MECOM: variants seen among roughly 807,000 people sequenced by gnomAD.
MECOM encodes histone-lysine N-methyltransferase MECOM.
Under a neutral mutation model 116.3 loss-of-function variants are expected in MECOM, and 13 were observed. The ratio of observed to expected loss-of-function variants is 0.11; its 90% confidence interval spans 0.07 to 0.18. The LOEUF (loss-of-function observed/expected upper bound fraction) is 0.18, where lower values mean the gene tolerates loss of function less well. Ranked by LOEUF, MECOM falls within the 10% of genes least tolerant of loss-of-function variation. MECOM has a pLI of 1.00. For synonymous variants in MECOM, 528 were observed against 535.2 expected (o/e 0.99, Z 0.19); for missense variants, 1,299 against 1,509.0 (o/e 0.86, Z 2.31).
intron 2 of MECOM, among the ~76,000 whole-genome samples, chr3:169,264,664 T>C (rs2149627913): frequency 2.0e-5 from 3 of 152,316 alleles, no homozygotes; most frequent in Admixed American, 2.0e-4. Context: ...GCCATTTCTC[T>C]TGTACCCTCT....
intron 2 of MECOM, among the ~76,000 whole-genome samples, chr3:169,189,865 A>G (rs1290736434): frequency 6.6e-6 from 1 of 152,214 alleles, no homozygotes; most frequent in African/African-American, 2.4e-5. Context: ...GTGCTAACAT[A>G]TATTAAGTAA....
chr3:169,544,198 A>T (rs923363675), intron 1 of MECOM, among the ~76,000 whole-genome samples: 2 of 152,244 alleles, frequency 1.3e-5, no homozygotes, highest in Admixed American at 6.5e-5. Flanking sequence ...TGGTTATCCC[A>T]GCTAGAATTG....
intron 2 of MECOM, among the ~76,000 whole-genome samples, chr3:169,170,378 G>A (rs978709313): frequency 1.6e-5 from 2 of 125,424 alleles, no homozygotes; most frequent in African/African-American, 6.4e-5. Context: ...CTGCACTCCA[G>A]CCCAGCGACA....
intron 3 of MECOM, among the ~76,000 whole-genome samples, chr3:169,140,055 G>GAA (rs10646514): frequency 0.45 from 67,730 of 149,820 alleles, 16,599 homozygotes; most frequent in Non-Finnish European, 0.56. Flanking sequence ...TCTGAATAAT[G>GAA]AAAAAAAAAC....
At chr3:169,475,331 C>T (rs555777109) in intron 1 of MECOM, among the ~76,000 whole-genome samples, 7 of 152,216 alleles carry the variant, frequency 4.6e-5, no homozygotes, top group African/African-American at 1.7e-4. Context: ...AACTTTGTCC[C>T]CTGGCCCAAC....
chr3:169,660,327 T>A (rs1026351201), intron 1 of MECOM, among the ~76,000 whole-genome samples: 4 of 152,210 alleles, frequency 2.6e-5, no homozygotes, highest in Non-Finnish European at 4.4e-5. Context: ...TTTAATTAAA[T>A]TTTTTAACCT....
At chr3:169,206,208 A>T (rs919906950) in intron 2 of MECOM, among the ~76,000 whole-genome samples, 1 of 152,182 alleles carries the variant, frequency 6.6e-6, no homozygotes, top group Non-Finnish European at 1.5e-5. Context: ...CATTTTCCTC[A>T]CTGCACTATC....
chr3:169,165,692 C>T (rs2149358199), intron 2 of MECOM, among the ~76,000 whole-genome samples: 1 of 152,182 alleles, frequency 6.6e-6, no homozygotes, highest in Middle Eastern at 3.4e-3. Flanking sequence ...TTTTTATTTC[C>T]TTGTTTTATG....
At chr3:169,409,513 G>C (rs1393507171) in intron 1 of MECOM, among the ~76,000 whole-genome samples, 1 of 152,114 alleles carries the variant, frequency 6.6e-6, no homozygotes, top group Non-Finnish European at 1.5e-5. Context: ...CCAAACCACA[G>C]GTGAGTACAT....
intron 1 of MECOM, among the ~76,000 whole-genome samples, chr3:169,657,918 T>C (rs1234028320): frequency 6.6e-6 from 1 of 152,220 alleles, no homozygotes; most frequent in Non-Finnish European, 1.5e-5. Context: ...AATACCAATC[T>C]GTGTGCAAAC....
intron 1 of MECOM, among the ~76,000 whole-genome samples, chr3:169,401,446 G>A (rs1262338488): frequency 1.3e-5 from 2 of 152,148 alleles, no homozygotes; most frequent in Non-Finnish European, 2.9e-5. Flanking sequence ...CACAGACACT[G>A]AATGTGGACT....
intron 1 of MECOM, among the ~76,000 whole-genome samples, chr3:169,556,569 A>G (rs1417552368): frequency 2.0e-5 from 3 of 152,190 alleles, no homozygotes; most frequent in African/African-American, 7.2e-5. Context: ...CCCCTGCGTC[A>G]TCCCCTCCTA....
intron 2 of MECOM, among the ~76,000 whole-genome samples, chr3:169,302,778 C>G (rs1418950193): frequency 6.6e-6 from 1 of 151,712 alleles, no homozygotes; most frequent in African/African-American, 2.4e-5. Flanking sequence ...GCAGGAGAAT[C>G]AGTTGAACCC....
chr3:169,604,515 G>C (rs1768263302), intron 1 of MECOM, among the ~76,000 whole-genome samples: 1 of 152,212 alleles, frequency 6.6e-6, no homozygotes, highest in Non-Finnish European at 1.5e-5. Flanking sequence ...AAGCAGCTAG[G>C]CAGAAAACTA....
chr3:169,110,860 G>GTGCTGCCACTC (rs1727129914), intron 9 of MECOM, among the ~76,000 whole-genome samples: 1 of 152,178 alleles, frequency 6.6e-6, no homozygotes, highest in South Asian at 2.1e-4. Flanking sequence ...CACTGCCACT[G>GTGCTGCCACTC]TGCTCCCACA....
intron 2 of MECOM, among the ~76,000 whole-genome samples, chr3:169,366,494 G>A (rs1466675801): frequency 6.6e-6 from 1 of 151,926 alleles, no homozygotes; most frequent in Non-Finnish European, 1.5e-5. Flanking sequence ...AATGCTTCAT[G>A]TTCATCTGTG....
chr3:169,548,240 G>A (rs948455028), intron 1 of MECOM, among the ~76,000 whole-genome samples: 5 of 152,068 alleles, frequency 3.3e-5, no homozygotes, highest in African/African-American at 4.8e-5. Context: ...TGATTTTGTG[G>A]TTTAAAAACC....
At chr3:169,384,794 T>C (rs1733021646) in intron 1 of MECOM, among the ~76,000 whole-genome samples, 1 of 152,112 alleles carries the variant, frequency 6.6e-6, no homozygotes, top group African/African-American at 2.4e-5. Context: ...TTCAGTTTCA[T>C]GAAAGTGATC....
intron 2 of MECOM, among the ~76,000 whole-genome samples, chr3:169,259,087 T>C (rs142692126): frequency 6.6e-6 from 1 of 152,290 alleles, no homozygotes; most frequent in African/African-American, 2.4e-5. Flanking sequence ...GCTGATGCCA[T>C]TTTTAATGAA....
Sources: allele counts gnomAD v4.1 joint callset (sites outside exome capture counted in the v4.1 genomes callset), GRCh38; gene constraint gnomAD v4.1.1; transcripts MANE v1.5; gene names NCBI Gene and HGNC (gene_info 2026-07-23, HGNC 2026-07-21).